The following SORBS2 variants were observed in gnomAD, a reference collection of about 807,000 sequenced individuals.
SORBS2 encodes sorbin and SH3 domain containing 2.
Under a neutral mutation model 97.7 loss-of-function variants are expected in SORBS2, and 46 were observed. That is an observed-to-expected ratio of 0.47 (90% confidence interval 0.37 to 0.60). SORBS2 has a LOEUF of 0.60. Among genes scored for constraint, SORBS2 ranks in the 20% least tolerant of loss-of-function variants. SORBS2 has a pLI of 0.00. For synonymous variants in SORBS2, 476 were observed against 473.4 expected (o/e 1.01, Z -0.07); for missense variants, 1,316 against 1,282.3 (o/e 1.03, Z -0.40).
intron 1 of SORBS2, among the ~76,000 whole-genome samples, chr4:185,817,229 C>A (rs1995192): frequency 0.3 from 44,423 of 150,098 alleles, 7,142 homozygotes; most frequent in East Asian, 0.66. Flanking sequence ...AAAAAAAAAA[C>A]CACCCACAAT....
chr4:185,750,321 A>C (rs1441407737), intron 2 of SORBS2, among the ~76,000 whole-genome samples: 1 of 152,258 alleles, frequency 6.6e-6, no homozygotes, highest in African/African-American at 2.4e-5. Context: ...CATAGGCTTA[A>C]ATTTGCTCAT....
At chr4:185,665,627 G>A (rs919042657) in intron 4 of SORBS2, 1 of 374,950 alleles carries the variant, frequency 2.7e-6, no homozygotes, top group African/African-American at 2.2e-5. Context: ...AATTGGTTTG[G>A]GAATCAACAC....
In SORBS2 at chr4:185,623,801, G is replaced by C; in HGVS notation, c.1328C>G (p.Pro443Arg). 6.2e-7 allele frequency: 1 copy of C among 1,614,174 alleles called. No individual in the cohort carries two copies. The highest frequency in any genetic ancestry group is 8.5e-7 in the Non-Finnish European group (1 of 1,180,032). Residue 443 changes from proline (P) to arginine (R), a missense_variant, in exon 7 of 15, where the codon CCG becomes CGG. By Grantham distance (103) the Pro-to-Arg change is moderately radical. Transcript: ENST00000418609. This position sits in a 1 kb window ranked among gnomAD's most constrained non-coding sequence, Gnocchi z 6.4. Reference sequence around the variant, plus strand: ...CCTCTTGGGACATAGGCCATTTTGCGGTGGTTCTAGGGTTACGGGAGACAG... The same window carrying C: ...CCTCTTGGGACATAGGCCATTTTGCCGTGGTTCTAGGGTTACGGGAGACAG...
At chr4:185,880,717 C>G (rs890727007) in intron 1 of SORBS2, among the ~76,000 whole-genome samples, 1 of 152,216 alleles carries the variant, frequency 6.6e-6, no homozygotes, top group Non-Finnish European at 1.5e-5. Flanking sequence ...AGTGGCCTTT[C>G]CTCTCCTGCC....
intron 1 of SORBS2, among the ~76,000 whole-genome samples, chr4:185,882,205 G>T (rs1352062192): frequency 6.6e-6 from 1 of 152,080 alleles, no homozygotes; most frequent in Non-Finnish European, 1.5e-5. Flanking sequence ...AAATCTCAAA[G>T]AATCTACCAA....
At chr4:185,788,653 T>C (rs1231306813) in intron 1 of SORBS2, among the ~76,000 whole-genome samples, 1 of 152,224 alleles carries the variant, frequency 6.6e-6, no homozygotes, top group Middle Eastern at 3.2e-3. Context: ...ATTTTATAAT[T>C]ATACCCTGTA....
At chr4:185,777,538 G>A (rs926561762) in intron 1 of SORBS2, among the ~76,000 whole-genome samples, 14 of 152,086 alleles carry the variant, frequency 9.2e-5, no homozygotes, top group African/African-American at 3.1e-4. Flanking sequence ...ACCCACTCTC[G>A]TATAAAACAG....
chr4:185,683,311 C>G (rs1176099688), intron 2 of SORBS2, among the ~76,000 whole-genome samples: 1 of 151,852 alleles, frequency 6.6e-6, no homozygotes, highest in Non-Finnish European at 1.5e-5. Flanking sequence ...GCATGTAGTT[C>G]AGTTTCGACT....
intron 4 of SORBS2, among the ~76,000 whole-genome samples, chr4:185,675,927 G>A (rs546812305): frequency 2.2e-4 from 34 of 152,212 alleles, no homozygotes; most frequent in Non-Finnish European, 4.9e-4. Flanking sequence ...TGGGTGGGGG[G>A]ATCTTGGTGT....
At chr4:185,681,923 C>T (rs552977600) in intron 2 of SORBS2, among the ~76,000 whole-genome samples, 1 of 152,198 alleles carries the variant, frequency 6.6e-6, no homozygotes, top group African/African-American at 2.4e-5. Context: ...TCTATTGACA[C>T]TATCACTATA....
chr4:185,782,572 G>C (rs1310401794), intron 1 of SORBS2, among the ~76,000 whole-genome samples: 2 of 152,190 alleles, frequency 1.3e-5, no homozygotes, highest in Non-Finnish European at 1.5e-5. Flanking sequence ...TTATAATGTA[G>C]TTTTATGAGC....
chr4:185,897,967 G>T (rs914846373), intron 1 of SORBS2, among the ~76,000 whole-genome samples: 1 of 152,168 alleles, frequency 6.6e-6, no homozygotes, highest in African/African-American at 2.4e-5. Flanking sequence ...AACCCAGGAA[G>T]CAAAGGTTGC....
At chr4:185,653,379 C>G (rs188620408) in intron 1 of SORBS2, among the ~76,000 whole-genome samples, 1 of 152,172 alleles carries the variant, frequency 6.6e-6, no homozygotes, top group Admixed American at 6.5e-5. Context: ...GAAGTCCTTA[C>G]GGATCCAGGC....
intron 1 of SORBS2, among the ~76,000 whole-genome samples, chr4:185,896,549 A>G (rs2099245141): frequency 6.6e-6 from 1 of 152,220 alleles, no homozygotes; most frequent in African/African-American, 2.4e-5. Flanking sequence ...GCGCCACTGC[A>G]CTCCAACCTG....
At chr4:185,657,635 C>T (rs188375419), upstream of SORBS2, 7 of 1,551,402 alleles carry the variant, frequency 4.5e-6, no homozygotes, top group Non-Finnish European at 6.1e-6. Context: ...GTATTCGTTG[C>T]ACAGGGAATC....
chr4:185,925,355 G>A (rs1359446598), intron 1 of SORBS2, among the ~76,000 whole-genome samples: 1 of 152,088 alleles, frequency 6.6e-6, no homozygotes, highest in East Asian at 1.9e-4. Context: ...GGATGTGGTG[G>A]GTGGTCAGAA....
rs200803038 is a variant in SORBS2 at position 185,662,253 on chromosome 4, C to G, written c.-45-11G>C. On this transcript the variant is annotated splice_polypyrimidine_tract_variant and intron_variant, in intron 4 of 20. Transcript: ENST00000284776. ...CACTGTTATCTGGCTCTGAGAAAAGCGCAAAGGCATCGAGTTAAATTAGCA... is the reference window on the plus strand; with the variant it reads ...CACTGTTATCTGGCTCTGAGAAAAGGGCAAAGGCATCGAGTTAAATTAGCA... 8.1e-6 allele frequency: 13 copies of G among 1,595,372 alleles called. No individual in the cohort carries two copies. The highest frequency in any genetic ancestry group is 5.3e-5 in the Admixed American group (3 of 56,888).
At chr4:185,720,911 C>T (rs975352545) in intron 2 of SORBS2, among the ~76,000 whole-genome samples, 4 of 151,994 alleles carry the variant, frequency 2.6e-5, no homozygotes, top group Admixed American at 2.0e-4. Flanking sequence ...GCCGCGTGAC[C>T]GTAGGCCCAT....
Position 185,783,192 on chromosome 4 carries a change from G to A in SORBS2, c.-337-7826C>T, listed in dbSNP as rs1422957610. The stretch of plus-strand genomic sequence containing the variant: ...AAGGACAGTTGACCAGCATTCAAGA[G>A]GTAGAAGGAACTATAGATTCCTTAT... On this transcript the variant is annotated intron_variant, in intron 1 of 20. Coordinates refer to the SORBS2 transcript ENST00000284776. 2.0e-5 allele frequency among the ~76,000 whole-genome samples: 3 copies of A among 152,122 alleles called. No individual in the cohort carries two copies. In the East Asian group the frequency reaches 5.8e-4, roughly 29 times the overall value.
Sources: gnomAD v4.1 joint callset for allele counts (sites outside exome capture counted in the v4.1 genomes callset) on GRCh38, gnomAD v4.1.1 for gene constraint, Gnocchi (gnomAD v3.1) non-coding constraint, MANE v1.5 for transcripts, NCBI Gene and HGNC (gene_info 2026-07-23, HGNC 2026-07-21) for gene names.